Variants in SDK1 observed in about 807,000 individuals in gnomAD.
SDK1 encodes the protein sidekick cell adhesion molecule 1.
SDK1 carries 157 observed loss-of-function variants against 245.5 expected under a neutral mutation model. The ratio of observed to expected loss-of-function variants is 0.64; its 90% CI spans 0.56 to 0.73. The LOEUF (loss-of-function observed/expected upper bound fraction) is 0.73, where lower values mean the gene tolerates loss of function less well. SDK1 is among the 30% of genes least tolerant of loss of function. The probability of loss-of-function intolerance (pLI) is 0.00; values close to 1 mark genes in which losing one functional copy is unlikely to be tolerated. For missense variants in SDK1, 3,583 were observed against 3,002.3 expected (o/e 1.19, Z -4.52); for synonymous variants, 1,647 against 1,278.5 (o/e 1.29, Z -6.15).
At chr7:3,805,816 A>G (rs1000183728) in intron 4 of SDK1, among the ~76,000 whole-genome samples, 1 of 152,200 alleles carries the variant, frequency 6.6e-6, no homozygotes, top group African/African-American at 2.4e-5. Context: ...AATTCAGATC[A>G]TTAGTGATCT....
At chr7:3,967,754 A>T (rs988021145) in intron 10 of SDK1, among the ~76,000 whole-genome samples, 1 of 152,162 alleles carries the variant, frequency 6.6e-6, no homozygotes, top group Non-Finnish European at 1.5e-5. Flanking sequence ...CGTTCCTATG[A>T]GAATCTAATG....
At chr7:3,509,243 G>A (rs1782498735) in intron 1 of SDK1, among the ~76,000 whole-genome samples, 5 of 152,152 alleles carry the variant, frequency 3.3e-5, no homozygotes, top group Admixed American at 3.3e-4. Context: ...TGTTACAGAT[G>A]CTTGGGGAGG....
chr7:4,018,061 G>C (rs1423844470), intron 17 of SDK1, among the ~76,000 whole-genome samples: 1 of 152,154 alleles, frequency 6.6e-6, no homozygotes, highest in Non-Finnish European at 1.5e-5. Context: ...CACTGTTACT[G>C]CTCTTAGCAG....
At chr7:4,240,117 G>A (rs903074787) in intron 42 of SDK1, among the ~76,000 whole-genome samples, 5 of 152,068 alleles carry the variant, frequency 3.3e-5, no homozygotes, top group Admixed American at 6.6e-5. Flanking sequence ...TATGAATGGC[G>A]TGTCATTTTC....
intron 5 of SDK1, among the ~76,000 whole-genome samples, chr7:3,843,695 G>A (rs1454542443): frequency 6.6e-6 from 1 of 152,202 alleles, no homozygotes; most frequent in Non-Finnish European, 1.5e-5. Context: ...GCCTGGGTCT[G>A]TTTCATAGGA....
rs151201149 is a variant in SDK1, at chr7:4,051,652, G to A, written c.2733G>A (p.Pro911=). 5.8e-5 allele frequency: 94 copies of A among 1,610,056 alleles called. No homozygotes were observed. The African/African-American group carries it at 1.0e-3, about 17-fold the overall frequency. The change falls in exon 19 of 45, where the codon CCG becomes CCA. Residue 911 remains proline (P), a synonymous_variant. Coordinates refer to ENST00000404826, the MANE Select transcript of SDK1 (RefSeq NM_152744.4). Reference sequence around the variant, plus strand: ...TTCCATCTCAGCTTCTGGCATGGCCGGCAGATGCCCCCGAGGCTGTCACTG... The same window carrying A: ...TTCCATCTCAGCTTCTGGCATGGCCAGCAGATGCCCCCGAGGCTGTCACTG... The part of the protein sequence containing the change: ...INQGYKLLAW[P]ADAPEAVTVV...
chr7:3,477,255 G>C (rs1317930162), intron 1 of SDK1, among the ~76,000 whole-genome samples: 1 of 144,682 alleles, frequency 6.9e-6, no homozygotes, highest in South Asian at 2.2e-4. Flanking sequence ...GAGTGCAGCG[G>C]CGCGATCTTG....
At chr7:4,021,036 G>A (rs1437958694) in intron 17 of SDK1, among the ~76,000 whole-genome samples, 1 of 152,134 alleles carries the variant, frequency 6.6e-6, no homozygotes, top group Non-Finnish European at 1.5e-5. Context: ...GAGATCTGGG[G>A]GTCATCTCCC....
intron 1 of SDK1, among the ~76,000 whole-genome samples, chr7:3,431,301 C>G (rs1351324744): frequency 2.0e-5 from 3 of 150,962 alleles, no homozygotes; most frequent in Non-Finnish European, 4.4e-5. Context: ...AAAGTGCCAC[C>G]AAAGAGCTGT....
intron 14 of SDK1, among the ~76,000 whole-genome samples, 195 bp downstream of exon 14, chr7:3,987,517 AGTCCT>A (rs771076198): frequency 6.6e-6 from 1 of 152,144 alleles, no homozygotes; most frequent in Non-Finnish European, 1.5e-5. Context: ...GAAGGGAAGA[AGTCCT>A]TAGTTAGAGG....
chr7:3,545,335 G>C (rs1193915909), intron 1 of SDK1, among the ~76,000 whole-genome samples: 2 of 152,072 alleles, frequency 1.3e-5, no homozygotes, highest in Non-Finnish European at 2.9e-5. Context: ...CGGTCAAAAG[G>C]CCTAGAGTTA....
intron 1 of SDK1, among the ~76,000 whole-genome samples, chr7:3,555,684 T>A (rs1183150735): frequency 6.6e-6 from 1 of 152,152 alleles, no homozygotes; most frequent in Non-Finnish European, 1.5e-5. Context: ...GACAAGGGAT[T>A]AGTAACCAGC....
chr7:3,591,790 CA>C (rs1177722410), intron 1 of SDK1, among the ~76,000 whole-genome samples: 2 of 152,272 alleles, frequency 1.3e-5, no homozygotes, highest in African/African-American at 4.8e-5. Context: ...ACATGAAGCT[CA>C]TTTTTAAAGT....
At chr7:3,954,843 C>G (rs895868827) in intron 7 of SDK1, among the ~76,000 whole-genome samples, 4 of 151,766 alleles carry the variant, frequency 2.6e-5, no homozygotes, top group African/African-American at 9.7e-5. Flanking sequence ...GTTGGCATAA[C>G]TCTATTATCC....
At chr7:4,232,402 C>CTTTTT (rs1234788967) in intron 40 of SDK1, among the ~76,000 whole-genome samples, 32 of 65,014 alleles carry the variant, frequency 4.9e-4, no homozygotes, top group Non-Finnish European at 7.4e-4. Flanking sequence ...CTTTTCTTTT[C>CTTTTT]TTTTCTTTCT....
intron 44 of SDK1, among the ~76,000 whole-genome samples, chr7:4,256,836 A>C (rs1787662859): frequency 6.6e-6 from 1 of 152,166 alleles, no homozygotes; most frequent in African/African-American, 2.4e-5. Context: ...AGATTTCACT[A>C]AGAAAACAGT....
intron 41 of SDK1, 112 bp from the exon 42 acceptor site, chr7:4,237,535 G>A: frequency 8.1e-7 from 1 of 1,241,146 alleles, no homozygotes. Context: ...CATCTCACCT[G>A]TAACTGGGAG....
At chr7:3,906,899 G>C (rs1778966705) in intron 5 of SDK1, among the ~76,000 whole-genome samples, 1 of 151,988 alleles carries the variant, frequency 6.6e-6, no homozygotes, top group Non-Finnish European at 1.5e-5. Flanking sequence ...CGAAGTGCTG[G>C]GATGGCAGGC....
intron 1 of SDK1, among the ~76,000 whole-genome samples, chr7:3,444,021 G>A (rs1780273308): frequency 6.6e-6 from 1 of 152,240 alleles, no homozygotes; most frequent in Non-Finnish European, 1.5e-5. Flanking sequence ...AAGGATTCAA[G>A]AGAGGCGGTT....
Sources: allele counts gnomAD v4.1 joint callset (sites outside exome capture counted in the v4.1 genomes callset), GRCh38; gene constraint gnomAD v4.1.1; transcripts MANE v1.5; gene names NCBI Gene and HGNC (gene_info 2026-07-23, HGNC 2026-07-21).